RPL31: variants seen among roughly 807,000 people sequenced by gnomAD.
The protein encoded by RPL31 is large ribosomal subunit protein eL31.
For missense variants in RPL31, 95 were observed against 164.0 expected (o/e 0.58, Z 2.30); for synonymous variants, 51 against 55.0 (o/e 0.93, Z 0.32).
intron 4 of RPL31, among the ~76,000 whole-genome samples, chr2:101,018,743 T>A (rs912901338): frequency 8.5e-5 from 13 of 152,192 alleles, no homozygotes; most frequent in Non-Finnish European, 1.6e-4. Context: ...ACCTCCAAAT[T>A]GTCTCATTTG....
downstream of RPL31, chr2:101,011,116 G>A: frequency 8.0e-7 from 1 of 1,253,102 alleles, no homozygotes; most frequent in Non-Finnish European, 1.1e-6. Context: ...GAGCAAGGGG[G>A]TGAGGAATTC....
rs1678766722 is a variant in RPL31, at chr2:101,006,939, A to T, written c.*558A>T. The T allele has an allele frequency of 6.6e-6, 1 of 152,336 alleles. No individual in the cohort carries two copies. The highest frequency in any genetic ancestry group is 1.5e-5 in the Non-Finnish European group (1 of 68,122). The allele number at this position is 152,336 out of a possible 1,614,324, so 9.4% of individuals were successfully genotyped here. A position where few individuals can be genotyped will look rare whatever the true frequency, so the allele number is the denominator to read the frequency against. Reference sequence around the variant, plus strand: ...GTACCTGGAGTCAAGGTTCAGAAGTAAAAAGTTCCTTAAGGTATCAATAAC... The same window carrying T: ...GTACCTGGAGTCAAGGTTCAGAAGTTAAAAGTTCCTTAAGGTATCAATAAC... On this transcript the variant is annotated 3_prime_UTR_variant, in exon 5 of 5. Transcript: ENST00000264258.
intron 2 of RPL31, 151 bp downstream of exon 2, chr2:101,002,959 C>T (rs923093845): frequency 1.6e-6 from 1 of 644,220 alleles, no homozygotes; most frequent in Non-Finnish European, 2.8e-6. Context: ...GGGCTCTACC[C>T]TCCGAATACA....
In RPL31 at chr2:101,006,549, A is replaced by T; in HGVS notation, c.*168A>T. The T allele has an allele frequency of 1.6e-6, 1 of 612,952 alleles. No homozygotes were observed. The highest frequency in any genetic ancestry group is 2.7e-6 in the Non-Finnish European group (1 of 375,776). 38.0% of individuals were successfully genotyped at this position (612,952 alleles called of 1,614,324 possible). A position where few individuals can be genotyped will look rare whatever the true frequency, so the allele number is the denominator to read the frequency against. ...CTTCTCCCCATCCCCTGGGGTTTTA[A>T]AGTGATTTCAAACTGCAACCTAGTT... On this transcript the variant is annotated 3_prime_UTR_variant, in exon 5 of 5. Transcript: ENST00000264258.
chr2:101,014,689 C>G (rs970309720), intron 4 of RPL31, among the ~76,000 whole-genome samples: 1 of 152,166 alleles, frequency 6.6e-6, no homozygotes, highest in African/African-American at 2.4e-5. Context: ...CCCTCAGTTT[C>G]TTGGGTTCCA....
intron 1 of RPL31, 125 bp from the exon 2 acceptor site, chr2:101,002,577 G>T: frequency 1.3e-6 from 1 of 786,682 alleles, no homozygotes; most frequent in Non-Finnish European, 2.1e-6. Flanking sequence ...CTGGGTGACC[G>T]ACTTAGCCTG....
downstream of RPL31, among the ~76,000 whole-genome samples, chr2:101,008,456 G>A (rs1043503097): frequency 6.6e-6 from 1 of 152,178 alleles, no homozygotes; most frequent in Non-Finnish European, 1.5e-5. Flanking sequence ...GGGAATTTCA[G>A]CACAGACTTG....
chr2:101,007,744 T>C, downstream of RPL31: 18 of 1,463,268 alleles, frequency 1.2e-5, no homozygotes, highest in South Asian at 2.2e-4. Context: ...AATCTCGGTT[T>C]AGGGCTGACC....
Position 101,002,743 on chromosome 2 carries a change from T to A in RPL31, c.42T>A (p.Arg14=). 2 of 1,614,144 alleles carry A rather than the reference T, an allele frequency of 1.2e-6. No individual in the cohort carries two copies. The highest frequency in any genetic ancestry group is 1.7e-6 in the Non-Finnish European group (2 of 1,180,002). The part of the protein sequence containing the change: ...AKKGGEKKKG[R]SAINEVVTRE... Reference sequence around the variant, plus strand: ...AGGGTGGCGAGAAGAAAAAGGGCCGTTCTGCCATCAACGAAGTGGTAACCC... The same window carrying A: ...AGGGTGGCGAGAAGAAAAAGGGCCGATCTGCCATCAACGAAGTGGTAACCC... Residue 14 remains arginine (R), a synonymous_variant, in exon 2 of 5, where the codon CGT becomes CGA. Coordinates refer to ENST00000264258, the MANE Select transcript of RPL31 (RefSeq NM_000993.5).
downstream of RPL31, among the ~76,000 whole-genome samples, chr2:101,008,746 A>G (rs948608698): frequency 3.3e-5 from 5 of 152,048 alleles, no homozygotes; most frequent in African/African-American, 9.6e-5. Flanking sequence ...CAGGAGGCAA[A>G]GGTTGTGGTA....
rs566069394 is a variant in RPL31, at chr2:101,014,362, T to G, written c.347-4636T>G. ...TGTCTGGTATCATTTCTGATGTAGCTGATATCAGGACTGCTTAACTGTTAA... is the reference window on the plus strand; with the variant it reads ...TGTCTGGTATCATTTCTGATGTAGCGGATATCAGGACTGCTTAACTGTTAA... On this transcript the variant is annotated intron_variant, in intron 4 of 4. Coordinates refer to the RPL31 transcript ENST00000409028. Among the ~76,000 whole-genome samples the G allele has an allele frequency of 1.1e-4, 16 of 152,322 alleles. No homozygotes were observed. In the South Asian group the frequency reaches 3.3e-3, roughly 32 times the overall value.
chr2:101,003,101 C>T (rs530430950), intron 2 of RPL31, among the ~76,000 whole-genome samples: 1 of 152,332 alleles, frequency 6.6e-6, no homozygotes, highest in South Asian at 2.1e-4. Flanking sequence ...TTCTCAGATC[C>T]TCCATCGGCC....
chr2:101,008,154 C>T (rs1678883005), downstream of RPL31: 1 of 1,613,826 alleles, frequency 6.2e-7, no homozygotes, highest in Non-Finnish European at 8.5e-7. Context: ...CTCGCTGCCC[C>T]ACCTCCCCGA....
chr2:101,018,931 C>T, intron 4 of RPL31: 1 of 1,578,178 alleles, frequency 6.3e-7, no homozygotes, highest in South Asian at 1.2e-5. Flanking sequence ...TCCTAATCTT[C>T]TGGAATGCTC....
At chr2:101,003,499 C>G (rs1045901674) in intron 2 of RPL31, among the ~76,000 whole-genome samples, 4 of 152,142 alleles carry the variant, frequency 2.6e-5, no homozygotes, top group African/African-American at 9.7e-5. Flanking sequence ...GCTTTATTTT[C>G]CCTGGTTTGT....
intron 4 of RPL31, among the ~76,000 whole-genome samples, chr2:101,014,061 C>T (rs1223396340): frequency 6.6e-6 from 1 of 152,172 alleles, no homozygotes; most frequent in East Asian, 1.9e-4. Context: ...ACTTGAGATG[C>T]AACAGCTACT....
At chr2:101,019,159 C>T in exon 5 of RPL31, 1 of 1,383,724 alleles carries the variant, frequency 7.2e-7, no homozygotes, top group South Asian at 1.3e-5. Context: ...ATTACCCTGG[C>T]AGAGGGCCAG....
At chr2:101,008,007 C>A, downstream of RPL31, 1 of 1,613,972 alleles carries the variant, frequency 6.2e-7, no homozygotes, top group Non-Finnish European at 8.5e-7. Flanking sequence ...CAGTCCAGTC[C>A]CTTTCTGCCG....
intron 4 of RPL31, among the ~76,000 whole-genome samples, chr2:101,017,650 A>G (rs142295069): frequency 1.9e-3 from 288 of 152,356 alleles, no homozygotes; most frequent in African/African-American, 6.6e-3. Flanking sequence ...CTGTGCAAAG[A>G]TCTTGTGTAT....
Sources: gnomAD v4.1 joint callset for allele counts (sites outside exome capture counted in the v4.1 genomes callset) on GRCh38, gnomAD v4.1.1 for gene constraint, MANE v1.5 for transcripts, NCBI Gene and HGNC (gene_info 2026-07-23, HGNC 2026-07-21) for gene names.